Variants in GPC5 observed in about 807,000 individuals in gnomAD.
GPC5 encodes glypican-5.
A neutral mutation model predicts 53.9 loss-of-function variants in GPC5; 47 were observed. The observed-to-expected ratio is 0.87, with a 90% confidence interval of 0.69 to 1.11. The LOEUF (loss-of-function observed/expected upper bound fraction) is 1.11, where lower values mean the gene tolerates loss of function less well. Among genes scored for constraint, GPC5 ranks in the 50% most tolerant of loss-of-function variants. The probability of loss-of-function intolerance (pLI) is 0.00; values close to 1 mark genes in which losing one functional copy is unlikely to be tolerated. For missense variants in GPC5, 748 were observed against 713.1 expected (o/e 1.05, Z -0.56); for synonymous variants, 286 against 263.3 (o/e 1.09, Z -0.84).
intron 1 of GPC5, among the ~76,000 whole-genome samples, chr13:91,435,993 C>A (rs370689580): frequency 2.0e-5 from 3 of 152,188 alleles, no homozygotes; most frequent in Non-Finnish European, 4.4e-5. Context: ...TTATAGTATT[C>A]TCTGATGGTA....
At chr13:91,823,197 G>T (rs988595159) in intron 5 of GPC5, among the ~76,000 whole-genome samples, 4 of 151,970 alleles carry the variant, frequency 2.6e-5, no homozygotes, top group South Asian at 2.1e-4. Flanking sequence ...TTCAGATAAT[G>T]TATTCTATTG....
chr13:92,113,516 A>T (rs1158316677), intron 6 of GPC5, among the ~76,000 whole-genome samples: 1 of 152,194 alleles, frequency 6.6e-6, no homozygotes, highest in African/African-American at 2.4e-5. Flanking sequence ...TGATAAGCTT[A>T]GACATTTGTC....
At chr13:91,638,635 G>A (rs1210512268) in intron 2 of GPC5, among the ~76,000 whole-genome samples, 1 of 151,932 alleles carries the variant, frequency 6.6e-6, no homozygotes. Context: ...CAAAGTGCTG[G>A]GATTACAGGT....
chr13:92,444,246 T>G (rs1410395780), intron 7 of GPC5, among the ~76,000 whole-genome samples: 2 of 152,154 alleles, frequency 1.3e-5, no homozygotes, highest in East Asian at 1.9e-4. Context: ...GTTCAATAGA[T>G]GTATATGTTT....
At chr13:92,556,239 A>G (rs1882489043) in intron 7 of GPC5, among the ~76,000 whole-genome samples, 1 of 151,816 alleles carries the variant, frequency 6.6e-6, no homozygotes, top group African/African-American at 2.4e-5. Flanking sequence ...CTGTAAAACA[A>G]TGTATACATC....
intron 6 of GPC5, among the ~76,000 whole-genome samples, chr13:91,964,467 C>G (rs1457035202): frequency 2.0e-5 from 3 of 152,092 alleles, no homozygotes; most frequent in African/African-American, 7.2e-5. Flanking sequence ...CTGATTGGTG[C>G]ATTTATAAAT....
intron 4 of GPC5, among the ~76,000 whole-genome samples, chr13:91,732,005 T>G (rs570523435): frequency 6.6e-6 from 1 of 152,354 alleles, no homozygotes; most frequent in Non-Finnish European, 1.5e-5. Context: ...CATGTGCATG[T>G]GTCTTTAAAG....
intron 6 of GPC5, among the ~76,000 whole-genome samples, chr13:91,914,660 G>A (rs1465147845): frequency 6.1e-5 from 2 of 32,848 alleles, no homozygotes; most frequent in Admixed American, 2.3e-4. Flanking sequence ...TTTTCACTCT[G>A]TTCTTAGGAT....
intron 7 of GPC5, among the ~76,000 whole-genome samples, chr13:92,403,330 G>A (rs936013125): frequency 6.6e-6 from 1 of 152,118 alleles, no homozygotes; most frequent in Non-Finnish European, 1.5e-5. Context: ...GTTAAATCAG[G>A]GGACCCCAAG....
chr13:92,462,678 T>G (rs1382161452), intron 7 of GPC5, among the ~76,000 whole-genome samples: 2 of 151,172 alleles, frequency 1.3e-5, no homozygotes, highest in Non-Finnish European at 2.9e-5. Flanking sequence ...GCCACAGGAC[T>G]GGGAGAGATC....
At chr13:92,641,291 A>T (rs139806215) in intron 7 of GPC5, among the ~76,000 whole-genome samples, 1 of 152,132 alleles carries the variant, frequency 6.6e-6, no homozygotes, top group Non-Finnish European at 1.5e-5. Context: ...CTGCTGCATT[A>T]TTCCACTTGC....
At chr13:92,533,616 C>G (rs1485828043) in intron 7 of GPC5, among the ~76,000 whole-genome samples, 1 of 152,064 alleles carries the variant, frequency 6.6e-6, no homozygotes, top group Admixed American at 6.6e-5. Flanking sequence ...AACACATACT[C>G]GGCAGAAACT....
chr13:92,282,026 A>C (rs1266827632), intron 7 of GPC5, among the ~76,000 whole-genome samples: 1 of 152,236 alleles, frequency 6.6e-6, no homozygotes, highest in South Asian at 2.1e-4. Flanking sequence ...GGCTAACCAG[A>C]ATAACGAGTG....
At position 92,324,976 on chromosome 13, in the gene GPC5, A is replaced by C. The variant is rs577388391; in HGVS notation, c.1561+179987A>C. On this transcript the variant is annotated intron_variant, in intron 7 of 7. Transcript: ENST00000377067. ...TATAAACTGAGAGCATGATTACATC[A>C]TTTAATTTGCATAAGGAAAAAGTGA... 3.3e-5 allele frequency among the ~76,000 whole-genome samples: 5 copies of C among 152,074 alleles called. No homozygotes were observed. In the South Asian group the frequency reaches 1.0e-3, roughly 32 times the overall value.
At chr13:91,570,623 A>T (rs1324195543) in intron 2 of GPC5, among the ~76,000 whole-genome samples, 1 of 152,192 alleles carries the variant, frequency 6.6e-6, no homozygotes, top group Non-Finnish European at 1.5e-5. Flanking sequence ...GCTTTCGAGC[A>T]ATTACCCAAA....
chr13:92,126,798 A>C (rs926767401), intron 6 of GPC5, among the ~76,000 whole-genome samples: 1 of 147,922 alleles, frequency 6.8e-6, no homozygotes, highest in African/African-American at 2.5e-5. Flanking sequence ...TAACAATAGA[A>C]ATGGAAAGGA....
At chr13:91,428,906 A>C (rs185607614) in intron 1 of GPC5, among the ~76,000 whole-genome samples, 16 of 151,926 alleles carry the variant, frequency 1.1e-4, no homozygotes, top group Admixed American at 3.3e-4. Context: ...GTTTATGAGC[A>C]TCTGGGTTTT....
chr13:91,928,743 T>G (rs1482021565), intron 6 of GPC5, among the ~76,000 whole-genome samples: 1 of 152,120 alleles, frequency 6.6e-6, no homozygotes, highest in Non-Finnish European at 1.5e-5. Context: ...CCCATTCTCC[T>G]GTATTAAGAC....
At chr13:92,763,748 G>A (rs1029113438) in intron 7 of GPC5, among the ~76,000 whole-genome samples, 3 of 152,094 alleles carry the variant, frequency 2.0e-5, no homozygotes, top group Non-Finnish European at 4.4e-5. Context: ...TCTAGAGTAG[G>A]GGCCCAAAAA....
Sources: allele counts gnomAD v4.1 joint callset (sites outside exome capture counted in the v4.1 genomes callset), GRCh38; gene constraint gnomAD v4.1.1; transcripts MANE v1.5; gene names NCBI Gene and HGNC (gene_info 2026-07-23, HGNC 2026-07-21).